The following PRIM2 variants were observed in gnomAD, a reference collection of about 807,000 sequenced individuals.
PRIM2 encodes DNA primase subunit 2.
Under a neutral mutation model 67.3 loss-of-function variants are expected in PRIM2, and 39 were observed. The ratio of observed to expected loss-of-function variants is 0.58; its 90% confidence interval spans 0.45 to 0.76. The LOEUF is 0.76. PRIM2 is among the 30% of genes least tolerant of loss of function. PRIM2 has a pLI of 0.00. For synonymous variants in PRIM2, 143 were observed against 198.7 expected, an observed-to-expected ratio of 0.72 and a Z score of 2.36; for missense variants, 398 against 598.7, an observed-to-expected ratio of 0.66 and a Z score of 3.50.
intron 5 of PRIM2, among the ~76,000 whole-genome samples, chr6:57,365,294 T>C (rs1180523416): frequency 6.6e-6 from 1 of 150,888 alleles, no homozygotes; most frequent in Non-Finnish European, 1.5e-5. Context: ...TTCTTGGTAT[T>C]TCCTTTCTAT....
intron 8 of PRIM2, among the ~76,000 whole-genome samples, chr6:57,516,103 T>C (rs1554348227): frequency 1.3e-5 from 2 of 151,682 alleles, no homozygotes; most frequent in South Asian, 2.1e-4. Context: ...CTCTAACTTA[T>C]GCTGCTGTGT....
At chr6:57,412,644 A>G (rs1265011143) in intron 7 of PRIM2, among the ~76,000 whole-genome samples, 4 of 152,140 alleles carry the variant, frequency 2.6e-5, no homozygotes, top group Admixed American at 2.6e-4. Context: ...GGGTAAAAGT[A>G]GTAACTTATT....
At position 57,418,383 on chromosome 6, in the gene PRIM2, G is replaced by GGTTTTTTTTTTTTTTTTTTT. The variant is rs1554336216; in HGVS notation, c.693+36215_693+36216insGTTTTTTTTTTTTTTTTTTT. ...TAAGGTAATGTTTCCTATGTGTGTG[G>GGTTTTTTTTTTTTTTTTTTT]TTTTTTTTTTTTTTTTTTTTTTTTT... is the stretch of plus-strand genomic sequence containing the variant. On this transcript the variant is annotated intron_variant, in intron 7 of 13. Coordinates refer to ENST00000615550, the MANE Select transcript of PRIM2 (RefSeq NM_000947.5). 2.8e-4 allele frequency among the ~76,000 whole-genome samples: 13 copies of GGTTTTTTTTTTTTTTTTTTT among 47,234 alleles called. 4 individuals are homozygous for GGTTTTTTTTTTTTTTTTTTT. Among genetic ancestry groups the GGTTTTTTTTTTTTTTTTTTT allele is most frequent in the Non-Finnish European group, 4.7e-4 (11 of 23,318 alleles). The allele number at this position is 47,234 out of a possible 152,430, so 31.0% of individuals were successfully genotyped here. A position where few individuals can be genotyped will look rare whatever the true frequency, so the allele number is the denominator to read the frequency against.
At chr6:57,602,024 G>A (rs1197207863) in intron 11 of PRIM2, among the ~76,000 whole-genome samples, 2 of 151,188 alleles carry the variant, frequency 1.3e-5, no homozygotes, top group Non-Finnish European at 2.9e-5. Flanking sequence ...TCGTCATATA[G>A]ATAGACAGAT....
chr6:57,230,798 A>C, the PRIM2 span, among the ~76,000 whole-genome samples: 1 of 152,166 alleles, frequency 6.6e-6, no homozygotes, highest in Non-Finnish European at 1.5e-5. Context: ...TATTTGAATA[A>C]ATCTACATCC....
intron 11 of PRIM2, among the ~76,000 whole-genome samples, chr6:57,603,440 T>C (rs1776505953): frequency 7.4e-6 from 1 of 136,002 alleles, no homozygotes; most frequent in African/African-American, 2.7e-5. Context: ...TGAATAGGAG[T>C]CCTTTCTCCA....
the PRIM2 span, among the ~76,000 whole-genome samples, chr6:57,223,018 T>A: frequency 1.3e-5 from 2 of 152,224 alleles, no homozygotes; most frequent in African/African-American, 4.8e-5. Flanking sequence ...CTGCATTTAT[T>A]GTAATAATTC....
chr6:57,581,579 C>T (rs1453691974), intron 10 of PRIM2, among the ~76,000 whole-genome samples: 21 of 152,260 alleles, frequency 1.4e-4, no homozygotes, highest in Admixed American at 5.9e-4. Context: ...AGTAGGCATA[C>T]GTGTCTGAAC....
chr6:57,251,851 T>C, the PRIM2 span, among the ~76,000 whole-genome samples: 1 of 152,218 alleles, frequency 6.6e-6, no homozygotes, highest in Non-Finnish European at 1.5e-5. Context: ...CAGTAGCTTA[T>C]CAACTTTCCT....
chr6:57,349,721 G>A (rs116216554), intron 5 of PRIM2, among the ~76,000 whole-genome samples: 2 of 151,472 alleles, frequency 1.3e-5, no homozygotes, highest in African/African-American at 4.8e-5. Context: ...TATTTTTTTT[G>A]TCTTTTTGGA....
chr6:57,607,139 CATT>C (rs1776578432), intron 12 of PRIM2, among the ~76,000 whole-genome samples: 1 of 152,174 alleles, frequency 6.6e-6, no homozygotes. Flanking sequence ...TTAAAAAGAA[CATT>C]ATATATTTTA....
At chr6:57,244,963 C>G in the PRIM2 span, among the ~76,000 whole-genome samples, 1 of 152,216 alleles carries the variant, frequency 6.6e-6, no homozygotes, top group Non-Finnish European at 1.5e-5. Flanking sequence ...TCACTCTGCT[C>G]AGGTCAGTGA....
At chr6:57,407,394 A>G (rs1217523838) in intron 7 of PRIM2, among the ~76,000 whole-genome samples, 1 of 152,024 alleles carries the variant, frequency 6.6e-6, no homozygotes, top group African/African-American at 2.4e-5. Context: ...GGCTGAAAAA[A>G]TGACATACTG....
chr6:57,314,832 T>C (rs1767449751), upstream of PRIM2: 1 of 152,230 alleles, frequency 6.6e-6, no homozygotes, highest in African/African-American at 2.4e-5. Context: ...TGCTGAAATG[T>C]ATAACATTAT....
the PRIM2 span, among the ~76,000 whole-genome samples, chr6:57,257,483 C>T: frequency 6.6e-6 from 1 of 152,146 alleles, no homozygotes; most frequent in Non-Finnish European, 1.5e-5. Context: ...GTTGGTCAGG[C>T]TGGTCTTGAA....
At chr6:57,597,499 A>G (rs1191764869) in intron 10 of PRIM2, among the ~76,000 whole-genome samples, 3 of 151,912 alleles carry the variant, frequency 2.0e-5, no homozygotes, top group East Asian at 3.9e-4. Flanking sequence ...TCCCTCACCA[A>G]TAGCAGCTAA....
intron 5 of PRIM2, among the ~76,000 whole-genome samples, chr6:57,372,942 A>C (rs10755788): frequency 6.6e-6 from 1 of 152,154 alleles, no homozygotes; most frequent in African/African-American, 2.4e-5. Flanking sequence ...TATAATAAAA[A>C]AATAAAATGA....
intron 7 of PRIM2, among the ~76,000 whole-genome samples, chr6:57,491,982 C>T (rs1554345997): frequency 1.3e-5 from 2 of 152,128 alleles, no homozygotes; most frequent in Non-Finnish European, 2.9e-5. Context: ...TCCCCTACTG[C>T]GCATGTGTTA....
chr6:57,257,405 G>A, the PRIM2 span, among the ~76,000 whole-genome samples: 123 of 151,964 alleles, frequency 8.1e-4, 1 homozygote, highest in African/African-American at 2.9e-3. Context: ...CTGAATAGCT[G>A]GGATTACAGG....
Sources: allele counts gnomAD v4.1 joint callset (sites outside exome capture counted in the v4.1 genomes callset), GRCh38; gene constraint gnomAD v4.1.1; transcripts MANE v1.5; gene names NCBI Gene and HGNC (gene_info 2026-07-23, HGNC 2026-07-21).